The following PHF24 variants were observed in gnomAD, a reference collection of about 807,000 sequenced individuals.
The protein encoded by PHF24 is Galpha inhibitory interacting protein.
In PHF24, 25 loss-of-function variants were observed where a neutral mutation model predicts 42.6. The observed-to-expected ratio is 0.59, with a 90% CI of 0.43 to 0.82. The LOEUF (loss-of-function observed/expected upper bound fraction) is 0.82, where lower values mean the gene tolerates loss of function less well. Ranked by LOEUF, PHF24 falls within the 40% of genes least tolerant of loss-of-function variation. PHF24 has a pLI of 0.00. For synonymous variants in PHF24, 185 were observed against 204.8 expected (o/e 0.90, Z 0.83); for missense variants, 470 against 538.1 (o/e 0.87, Z 1.25).
the PHF24 span, among the ~76,000 whole-genome samples, chr9:34,937,519 C>T: frequency 1.3e-5 from 2 of 152,082 alleles, no homozygotes; most frequent in Non-Finnish European, 2.9e-5. Flanking sequence ...TGCGGAAGGC[C>T]GCAGGGTCCT....
chr9:34,701,551 C>G, the PHF24 span, among the ~76,000 whole-genome samples: 2 of 152,148 alleles, frequency 1.3e-5, no homozygotes, highest in African/African-American at 4.8e-5. This position sits in a 1 kb window ranked among gnomAD's most constrained non-coding sequence, Gnocchi z 5.8. Context: ...CTCAGAGAGG[C>G]TGCGGTGAGC....
chr9:34,722,490 A>T, the PHF24 span, among the ~76,000 whole-genome samples: 17 of 152,134 alleles, frequency 1.1e-4, no homozygotes, highest in African/African-American at 3.6e-4. Flanking sequence ...TTATAATTTG[A>T]CTGGACAATT....
chr9:34,679,705 C>T, the PHF24 span, among the ~76,000 whole-genome samples: 3 of 152,122 alleles, frequency 2.0e-5, no homozygotes, highest in Non-Finnish European at 4.4e-5. Flanking sequence ...CAGAGCGAGA[C>T]GCCTTCTCAA....
At chr9:34,957,900 CGCCTCCTCCGGGCG>C (rs1033787117), upstream of PHF24, among the ~76,000 whole-genome samples, 3 of 151,924 alleles carry the variant, frequency 2.0e-5, no homozygotes, top group African/African-American at 7.2e-5. Context: ...CCCTCCGGGC[CGCCTCCTCCGGGCG>C]GGCACTGTCC....
At chr9:34,725,689 A>G in the PHF24 span, 1 of 1,519,738 alleles carries the variant, frequency 6.6e-7, no homozygotes, top group Non-Finnish European at 8.8e-7. Flanking sequence ...CTTCATACTC[A>G]GCCAGAGTCA....
At chr9:34,875,950 A>ACTCT in the PHF24 span, among the ~76,000 whole-genome samples, 4 of 78,680 alleles carry the variant, frequency 5.1e-5, no homozygotes, top group Admixed American at 1.5e-4. Flanking sequence ...ACACACACAC[A>ACTCT]CTCTCTCTCT....
chr9:34,809,341 T>TA, the PHF24 span, among the ~76,000 whole-genome samples: 2 of 152,254 alleles, frequency 1.3e-5, no homozygotes, highest in Non-Finnish European at 2.9e-5. This position sits in a 1 kb window ranked among gnomAD's most constrained non-coding sequence, Gnocchi z 4.1. Flanking sequence ...GTGGCTTAAT[T>TA]ATTTTTGATA....
At chr9:34,958,255 G>GCTT (rs1554657794), upstream of PHF24, 1 of 152,902 alleles carries the variant, frequency 6.5e-6, no homozygotes, top group East Asian at 1.9e-4. This position sits in a 1 kb window ranked among gnomAD's most constrained non-coding sequence, Gnocchi z 4.5. Context: ...CGCCGCCGCC[G>GCTT]CCTCCTCAGC....
chr9:34,707,667 T>A, the PHF24 span, among the ~76,000 whole-genome samples: 3 of 152,144 alleles, frequency 2.0e-5, no homozygotes, highest in Admixed American at 1.3e-4. Flanking sequence ...GAAGGAAAAG[T>A]TGATGGAGCA....
chr9:34,921,877 A>G, the PHF24 span, among the ~76,000 whole-genome samples: 1 of 152,226 alleles, frequency 6.6e-6, no homozygotes, highest in Non-Finnish European at 1.5e-5. Flanking sequence ...ACATGGAAGC[A>G]GTTTTAACAC....
the PHF24 span, chr9:34,837,563 C>G: frequency 2.2e-5 from 22 of 981,386 alleles, no homozygotes; most frequent in Admixed American, 1.2e-4. Flanking sequence ...TGGCAGAGCA[C>G]CTGGCTCTTG....
At chr9:34,896,887 G>A in the PHF24 span, among the ~76,000 whole-genome samples, 84 of 152,190 alleles carry the variant, frequency 5.5e-4, no homozygotes, top group East Asian at 0.013. Context: ...CAAGTGCGGC[G>A]GCTCACACCT....
the PHF24 span, among the ~76,000 whole-genome samples, chr9:34,860,150 T>C: frequency 6.6e-6 from 1 of 152,246 alleles, no homozygotes; most frequent in Admixed American, 6.5e-5. Context: ...CTGTCTACGC[T>C]GTAAGCTGAC....
the PHF24 span, among the ~76,000 whole-genome samples, chr9:34,759,724 C>T: frequency 6.6e-6 from 1 of 152,178 alleles, no homozygotes; most frequent in Non-Finnish European, 1.5e-5. Flanking sequence ...TGCACCTGCT[C>T]CTGCCGGTGC....
the PHF24 span, chr9:34,729,252 C>G: frequency 3.2e-6 from 5 of 1,543,458 alleles, no homozygotes; most frequent in South Asian, 6.1e-5. Flanking sequence ...TTATCTGAGG[C>G]TTAATTAGTT....
At chr9:34,835,049 T>A in the PHF24 span, 7 of 1,496,726 alleles carry the variant, frequency 4.7e-6, no homozygotes, top group South Asian at 8.6e-5. Flanking sequence ...TGAGTCATTA[T>A]CTTGTCCCCC....
chr9:34,974,452 A>G (rs1447034289), intron 3 of PHF24, among the ~76,000 whole-genome samples: 2 of 152,218 alleles, frequency 1.3e-5, no homozygotes, highest in Non-Finnish European at 2.9e-5. Flanking sequence ...TAGAAAGTCA[A>G]TAAAATCCCA....
the PHF24 span, chr9:34,723,786 C>T: frequency 6.4e-7 from 1 of 1,551,734 alleles, no homozygotes; most frequent in Non-Finnish European, 8.7e-7. Flanking sequence ...GGAATTGTCG[C>T]TGGTTCAAGG....
At chr9:34,868,092 T>C in the PHF24 span, among the ~76,000 whole-genome samples, 9 of 152,154 alleles carry the variant, frequency 5.9e-5, no homozygotes, top group Non-Finnish European at 1.2e-4. Context: ...AAATCACCCA[T>C]ACTTAGCATA....
Sources: allele counts gnomAD v4.1 joint callset (sites outside exome capture counted in the v4.1 genomes callset), GRCh38; gene constraint gnomAD v4.1.1; non-coding constraint Gnocchi (gnomAD v3.1); transcripts MANE v1.5; gene names NCBI Gene and HGNC (gene_info 2026-07-23, HGNC 2026-07-21).